The following MIER3 variants were observed in gnomAD, a reference collection of about 807,000 sequenced individuals.
The protein encoded by MIER3 is mesoderm induction early response protein 3.
MIER3 carries 9 observed loss-of-function variants against 63.2 expected under a neutral mutation model. That is an observed-to-expected ratio of 0.14 (90% CI 0.09 to 0.25). MIER3 has a LOEUF of 0.25. Among genes scored for constraint, MIER3 ranks in the 10% least tolerant of loss-of-function variants. The pLI is 1.00. For synonymous variants in MIER3, 205 were observed against 224.9 expected (o/e 0.91, Z 0.79); for missense variants, 512 against 666.2 (o/e 0.77, Z 2.55).
At chr5:56,928,542 T>C (rs1488387026) in intron 10 of MIER3, 9 of 339,484 alleles carry the variant, frequency 2.7e-5, no homozygotes, top group Non-Finnish European at 4.3e-5. Context: ...GTGAGTCCAC[T>C]TTCTGTGTCA....
intron 3 of MIER3, among the ~76,000 whole-genome samples, chr5:56,943,699 CTCTT>C (rs1750729485): frequency 1.3e-5 from 2 of 152,172 alleles, no homozygotes; most frequent in African/African-American, 4.8e-5. Flanking sequence ...CAAATGAACT[CTCTT>C]TGAGAGCCTA....
intron 3 of MIER3, among the ~76,000 whole-genome samples, chr5:56,940,483 T>C (rs1029633900): frequency 1.3e-4 from 20 of 152,256 alleles, no homozygotes; most frequent in African/African-American, 4.8e-4. Context: ...AGTTTGGCCT[T>C]CACCTTTGCA....
chr5:56,924,098 A>C (rs999574915), intron 10 of MIER3, 56 bp from the exon 11 acceptor site: 2 of 1,572,268 alleles, frequency 1.3e-6, no homozygotes, highest in East Asian at 4.5e-5. Flanking sequence ...TTTTTTAAGC[A>C]ACTTTTCTTT....
At chr5:56,949,486 T>C (rs1248398962) in intron 2 of MIER3, among the ~76,000 whole-genome samples, 1 of 152,230 alleles carries the variant, frequency 6.6e-6, no homozygotes, top group Non-Finnish European at 1.5e-5. Flanking sequence ...ACATCATGTA[T>C]ATATTTTCCT....
At chr5:56,935,639 T>A (rs1258930900) in intron 6 of MIER3, 27 bp downstream of exon 6, 47 of 1,584,180 alleles carry the variant, frequency 3.0e-5, no homozygotes, top group Non-Finnish European at 4.0e-5. Flanking sequence ...AAAAGCCAAT[T>A]TAGTCCACTA....
rs1749765800 is a variant in MIER3, at chr5:56,923,280, G to A, written c.1501C>T (p.Leu501=). The stretch of plus-strand genomic sequence containing the variant: ...GTGTGATTTTCAAAGTCCACACCCA[G>A]GTTATTTACAGAAACTTCATTCATA... The part of the protein sequence containing the change: ...SFMNEVSVNN[L]GVDFENHTHH... The change falls in exon 13 of 13, where the codon CTG becomes TTG. Residue 501 remains leucine (L), a synonymous_variant. Transcript: ENST00000381199. 6.2e-7 allele frequency: 1 copy of A among 1,614,144 alleles called. No individual in the cohort carries two copies. Among genetic ancestry groups the A allele is most frequent in the Non-Finnish European group, 8.5e-7 (1 of 1,180,018 alleles).
At chr5:56,934,896 T>C (rs1750387998) in intron 7 of MIER3, among the ~76,000 whole-genome samples, 1 of 152,184 alleles carries the variant, frequency 6.6e-6, no homozygotes, top group Non-Finnish European at 1.5e-5. Flanking sequence ...CTCCATATTT[T>C]GAAAACCAAC....
Position 56,938,206 on chromosome 5 carries a change from T to C in MIER3, c.316-508A>G, listed in dbSNP as rs187129997. On this transcript the variant is annotated intron_variant, in intron 4 of 12. Coordinates refer to ENST00000381199, the MANE Select transcript of MIER3 (RefSeq NM_001297599.2). Reference sequence around the variant, plus strand: ...CTTGTGCCTAGCACAAAGTAGCCACTCAATAAATACTTGTTGAATGACTAT... The same window carrying C: ...CTTGTGCCTAGCACAAAGTAGCCACCCAATAAATACTTGTTGAATGACTAT... 11 of 467,158 alleles carry C rather than the reference T, an allele frequency of 2.4e-5. No homozygotes were observed. In the East Asian group the frequency reaches 7.7e-4, roughly 33 times the overall value. The allele number at this position is 467,158 out of a possible 1,614,324, so 28.9% of individuals were successfully genotyped here.
rs535571175 is a variant in MIER3 at position 56,949,816 on chromosome 5, C to T, written c.34+812G>A. ...TTGGACTAGTTCAGAGGTGCTTTTC[C>T]TGTAGACTAGGAGAGGGAAGACAGC... On this transcript the variant is annotated intron_variant, in intron 2 of 12. Transcript: ENST00000381199. 3.3e-5 allele frequency among the ~76,000 whole-genome samples: 5 copies of T among 152,236 alleles called. No individual in the cohort carries two copies. The South Asian group carries it at 8.3e-4, about 25-fold the overall frequency.
intron 3 of MIER3, chr5:56,941,302 G>T: frequency 4.3e-6 from 1 of 233,220 alleles, no homozygotes; most frequent in Non-Finnish European, 7.0e-6. Context: ...CACAGAGGGT[G>T]AAGACTGAGC....
chr5:56,932,996 G>A (rs1316836527), intron 8 of MIER3, among the ~76,000 whole-genome samples: 6 of 152,062 alleles, frequency 3.9e-5, no homozygotes. Flanking sequence ...TAATTAAAAG[G>A]ATATAAAATG....
chr5:56,923,640 G>T, intron 12 of MIER3, 51 bp downstream of exon 12: 1 of 1,613,292 alleles, frequency 6.2e-7, no homozygotes, highest in South Asian at 1.1e-5. Flanking sequence ...TCAAACAGAG[G>T]ACACAATTTT....
At position 56,923,465 on chromosome 5, in the gene MIER3, T is replaced by C; in HGVS notation, c.1316A>G (p.Glu439Gly). Residue 439 changes from glutamate (E) to glycine (G), a missense_variant, in exon 13 of 13, where the codon GAA becomes GGA. Transcript: ENST00000381199. Reference protein sequence around the residue: ...GQVNHVPVVTEELLTLPSNGE... With the variant: ...GQVNHVPVVTGELLTLPSNGE... ...ATTGCTGGGCAGGGTGAGTAACTCT[T>C]CTGTTACAACAGGCACATGATTAAC... 1 of 1,614,186 alleles carries C rather than the reference T, an allele frequency of 6.2e-7. No individual in the cohort carries two copies. The highest frequency in any genetic ancestry group is 1.1e-5 in the South Asian group (1 of 91,080).
intron 8 of MIER3, among the ~76,000 whole-genome samples, chr5:56,932,074 C>T (rs569786178): frequency 5.1e-4 from 78 of 152,270 alleles, no homozygotes; most frequent in Non-Finnish European, 7.1e-4. Flanking sequence ...AGACATATCA[C>T]AAGGTCAAGA....
At chr5:56,942,948 G>C (rs936581911) in intron 3 of MIER3, among the ~76,000 whole-genome samples, 1 of 152,098 alleles carries the variant, frequency 6.6e-6, no homozygotes, top group Admixed American at 6.5e-5. Flanking sequence ...TTGGAGACCA[G>C]CCTGGGCATT....
intron 7 of MIER3, among the ~76,000 whole-genome samples, chr5:56,934,817 C>T (rs1262251240): frequency 6.6e-6 from 1 of 152,136 alleles, no homozygotes; most frequent in Non-Finnish European, 1.5e-5. Context: ...AGGCCAAACA[C>T]CCATGGAAAT....
At chr5:56,946,362 T>G (rs904596934) in intron 3 of MIER3, among the ~76,000 whole-genome samples, 1 of 152,230 alleles carries the variant, frequency 6.6e-6, no homozygotes, top group Non-Finnish European at 1.5e-5. Context: ...ACAGTTCATT[T>G]GAATTTATAT....
intron 5 of MIER3, 93 bp downstream of exon 5, chr5:56,937,485 G>A: frequency 1.6e-6 from 2 of 1,222,566 alleles, no homozygotes; most frequent in South Asian, 3.8e-5. Context: ...TAAAATATTA[G>A]AATATTCTGA....
At chr5:56,952,044 GCC>G in intron 1 of MIER3, 48 bp downstream of exon 1, 1 of 1,258,132 alleles carries the variant, frequency 7.9e-7, no homozygotes, top group South Asian at 1.9e-5. Flanking sequence ...GCGGGGAGCC[GCC>G]GGGCGCCCGC....
Sources: gnomAD v4.1 joint callset for allele counts (sites outside exome capture counted in the v4.1 genomes callset) on GRCh38, gnomAD v4.1.1 for gene constraint, MANE v1.5 for transcripts, NCBI Gene and HGNC (gene_info 2026-07-23, HGNC 2026-07-21) for gene names.